LARGE1: variants seen among roughly 807,000 people sequenced by gnomAD.
LARGE1 encodes the protein LARGE xylosyl- and glucuronyltransferase 1.
In LARGE1, 43 loss-of-function variants were observed where a neutral mutation model predicts 87.6. That is an observed-to-expected ratio of 0.49 (90% CI 0.38 to 0.63). The LOEUF is 0.63. Among genes scored for constraint, LARGE1 ranks in the 30% least tolerant of loss-of-function variants. The pLI is 0.00. For missense variants in LARGE1, 802 were observed against 1,000.2 expected (o/e 0.80, Z 2.67); for synonymous variants, 434 against 394.6 (o/e 1.10, Z -1.18).
chr22:33,249,840 C>A (rs1926934723), intron 11 of LARGE1, among the ~76,000 whole-genome samples: 1 of 152,194 alleles, frequency 6.6e-6, no homozygotes, highest in Non-Finnish European at 1.5e-5. Flanking sequence ...CAAAGATCAG[C>A]TGACTATATT....
chr22:33,856,773 T>C (rs1311629314), intron 1 of LARGE1: 1 of 152,224 alleles, frequency 6.6e-6, no homozygotes, highest in African/African-American at 2.4e-5. Flanking sequence ...AAACGGCTGA[T>C]GCATCTGAAT....
intron 6 of LARGE1, among the ~76,000 whole-genome samples, chr22:33,549,841 G>A (rs1278885574): frequency 1.3e-5 from 2 of 152,100 alleles, no homozygotes; most frequent in Admixed American, 1.3e-4. Flanking sequence ...TGCAGTATTT[G>A]GTTTTCTGTC....
At chr22:33,070,763 G>A in the LARGE1 span, among the ~76,000 whole-genome samples, 1 of 152,200 alleles carries the variant, frequency 6.6e-6, no homozygotes, top group African/African-American at 2.4e-5. Flanking sequence ...AAGAACATGT[G>A]TGAGTGTTCC....
intron 11 of LARGE1, among the ~76,000 whole-genome samples, chr22:33,193,421 A>G (rs1305355119): frequency 2.6e-5 from 4 of 152,210 alleles, no homozygotes; most frequent in South Asian, 2.1e-4. Flanking sequence ...ATATGAGTAG[A>G]GTGATAAAGA....
chr22:33,265,727 C>T (rs1927898220), intron 11 of LARGE1, among the ~76,000 whole-genome samples: 1 of 152,190 alleles, frequency 6.6e-6, no homozygotes, highest in East Asian at 1.9e-4. Flanking sequence ...ATGAACCAAT[C>T]ACTTGTTTAC....
At chr22:33,637,890 G>C (rs1321462804) in intron 3 of LARGE1, among the ~76,000 whole-genome samples, 4 of 152,174 alleles carry the variant, frequency 2.6e-5, no homozygotes, top group Non-Finnish European at 1.5e-5. Flanking sequence ...TAAGTTTTGA[G>C]GGTACCTGGC....
rs60815644 is a variant in LARGE1, at chr22:33,642,710, C to CAAAAAAAAAAAAAAAAA, written c.408+7640_408+7656dup. On this transcript the variant is annotated intron_variant, in intron 3 of 14. Coordinates refer to ENST00000397394, the MANE Select transcript of LARGE1 (RefSeq NM_133642.5). ...GAATATTTACCAAGCAAATGGAAAG[C>CAAAAAAAAAAAAAAAAA]AAAAAAAAAAAAAAAAAAAAAAAAA... Among the ~76,000 whole-genome samples the CAAAAAAAAAAAAAAAAA allele has an allele frequency of 8.1e-4, 14 of 17,350 alleles. 2 individuals are homozygous for CAAAAAAAAAAAAAAAAA. The highest frequency in any genetic ancestry group is 4.4e-3 in the South Asian group (1 of 226). 11.4% of individuals were successfully genotyped at this position (17,350 alleles called of 152,430 possible).
chr22:33,679,127 G>T lies in LARGE1; in HGVS notation c.107-28459C>A, dbSNP rs769462588. Among the ~76,000 whole-genome samples, 127 of 152,320 alleles carry T rather than the reference G, an allele frequency of 8.3e-4. 1 individual carries two copies. Among genetic ancestry groups the T allele is most frequent in the Non-Finnish European group, 1.6e-3 (106 of 68,016 alleles). On this transcript the variant is annotated intron_variant, in intron 2 of 14. Coordinates refer to ENST00000397394, the MANE Select transcript of LARGE1 (RefSeq NM_133642.5). Reference sequence around the variant, plus strand: ...AATAAAAGCTTCTGAAGATCAGGAAGTCTGTTTATTTTGGTCATCCCCTTA... The same window carrying T: ...AATAAAAGCTTCTGAAGATCAGGAATTCTGTTTATTTTGGTCATCCCCTTA...
intron 11 of LARGE1, among the ~76,000 whole-genome samples, chr22:33,308,524 T>C (rs575515632): frequency 6.6e-6 from 1 of 152,310 alleles, no homozygotes; most frequent in East Asian, 1.9e-4. Context: ...CCTTTGCCTC[T>C]ATCCATACCC....
chr22:33,541,386 T>C (rs1569252801), intron 6 of LARGE1, among the ~76,000 whole-genome samples: 1 of 152,118 alleles, frequency 6.6e-6, no homozygotes, highest in African/African-American at 2.4e-5. Context: ...CAGGATTATA[T>C]TATGATCCCA....
chr22:33,541,201 G>GAAA lies in LARGE1; in HGVS notation c.787+23644_787+23646dup, dbSNP rs11368503. On this transcript the variant is annotated intron_variant, in intron 6 of 14. Coordinates refer to ENST00000397394, the MANE Select transcript of LARGE1 (RefSeq NM_133642.5). The stretch of plus-strand genomic sequence containing the variant: ...TCTCAAAAAAAGTGGGGGAAAAAAA[G>GAAA]AAAAAAAAAAAAAAAGAAAATATGG... Among the ~76,000 whole-genome samples the GAAA allele has an allele frequency of 1.6e-4, 21 of 133,682 alleles. 1 individual carries two copies. Among genetic ancestry groups the GAAA allele is most frequent in the African/African-American group, 4.2e-4 (15 of 35,650 alleles). The allele number at this position is 133,682 out of a possible 152,430, so 87.7% of individuals were successfully genotyped here. A position where few individuals can be genotyped will look rare whatever the true frequency, so the allele number is the denominator to read the frequency against.
At chr22:33,274,693 G>C in intron 14 of LARGE1, 69 bp from the exon 15 acceptor site, 2 of 1,308,298 alleles carry the variant, frequency 1.5e-6, no homozygotes, top group Non-Finnish European at 2.2e-6. Flanking sequence ...AGGCCCAAGC[G>C]AATGATTGAA....
chr22:33,292,558 G>A (rs534815414), intron 12 of LARGE1, among the ~76,000 whole-genome samples: 63 of 152,268 alleles, frequency 4.1e-4, no homozygotes, highest in African/African-American at 1.4e-3. Flanking sequence ...ACATGTCGAG[G>A]AGACAAAAGG....
chr22:33,111,262 C>T, the LARGE1 span, among the ~76,000 whole-genome samples: 2 of 152,102 alleles, frequency 1.3e-5, no homozygotes, highest in Non-Finnish European at 2.9e-5. Context: ...TCAGGATCGC[C>T]GCTTCCTTGG....
At chr22:33,075,394 T>G in the LARGE1 span, among the ~76,000 whole-genome samples, 15 of 152,254 alleles carry the variant, frequency 9.9e-5, no homozygotes, top group African/African-American at 3.4e-4. Flanking sequence ...AAAAATGTAT[T>G]TGATCTTCCT....
Position 33,274,061 on chromosome 22 carries a change from T to C in LARGE1, c.*366A>G. The stretch of plus-strand genomic sequence containing the variant: ...ACCCTGACTTCCCTTTCTCCCCAGT[T>C]ATGATGGGAAGCATAATTATTAAAA... On this transcript the variant is annotated 3_prime_UTR_variant, in exon 15 of 15. Transcript: ENST00000397394. The C allele has an allele frequency of 2.4e-6, 1 of 416,324 alleles. No homozygotes were observed. Among genetic ancestry groups the C allele is most frequent in the Non-Finnish European group, 4.4e-6 (1 of 228,714 alleles). The allele number at this position is 416,324 out of a possible 1,614,324, so 25.8% of individuals were successfully genotyped here.
chr22:33,107,381 T>C, the LARGE1 span, among the ~76,000 whole-genome samples: 1 of 150,210 alleles, frequency 6.7e-6, no homozygotes, highest in African/African-American at 2.5e-5. Context: ...CTGGGCAACA[T>C]GGCAAAACCC....
chr22:33,767,511 AG>A (rs2084943391), intron 1 of LARGE1, among the ~76,000 whole-genome samples: 1 of 150,804 alleles, frequency 6.6e-6, no homozygotes, highest in African/African-American at 2.4e-5. Context: ...AGCTCAGTGC[AG>A]TGAGTTAACA....
At chr22:33,642,710 CAAAAAA>C (rs60815644) in intron 3 of LARGE1, among the ~76,000 whole-genome samples, 1 of 17,344 alleles carries the variant, frequency 5.8e-5, no homozygotes, top group East Asian at 2.6e-3. Flanking sequence ...AAATGGAAAG[CAAAAAA>C]AAAAAAAAAA....
Sources: gnomAD v4.1 joint callset for allele counts (sites outside exome capture counted in the v4.1 genomes callset) on GRCh38, gnomAD v4.1.1 for gene constraint, MANE v1.5 for transcripts, NCBI Gene and HGNC (gene_info 2026-07-23, HGNC 2026-07-21) for gene names.